Variants in RNFT2 observed in about 807,000 individuals in gnomAD.
RNFT2 encodes the protein ring finger protein, transmembrane 2, also known as E3 ubiquitin-protein ligase RNFT2.
RNFT2 carries 36 observed loss-of-function variants against 53.0 expected under a neutral mutation model. That is an observed-to-expected ratio of 0.68 (90% CI 0.52 to 0.90). RNFT2 has a LOEUF of 0.90. Among genes scored for constraint, RNFT2 ranks in the 40% least tolerant of loss-of-function variants. The pLI is 0.00. For missense variants in RNFT2, 514 were observed against 585.6 expected (o/e 0.88, Z 1.26); for synonymous variants, 260 against 253.2 (o/e 1.03, Z -0.26).
chr12:116,830,066 T>C (rs984053857), intron 7 of RNFT2, among the ~76,000 whole-genome samples: 6 of 152,198 alleles, frequency 3.9e-5, no homozygotes, highest in African/African-American at 1.4e-4. Context: ...TTTTTAACTT[T>C]TAATTTTGAG....
At position 116,749,889 on chromosome 12, in the gene RNFT2, C is replaced by A. The variant is rs1191859765; in HGVS notation, c.132C>A (p.Gly44=). Residue 44 remains glycine, a synonymous_variant, in exon 4 of 11, where the codon GGC becomes GGA. Coordinates refer to ENST00000257575, the MANE Select transcript of RNFT2 (RefSeq NM_001382266.1). The part of the protein sequence containing the change: ...LSSEASVDEG[G]VFESLKAEAA... Reference sequence around the variant, plus strand: ...CCGAGGCGAGTGTGGATGAAGGTGGCGTCTTTGAGAGTCTGAAGGCAGAGG... The same window carrying A: ...CCGAGGCGAGTGTGGATGAAGGTGGAGTCTTTGAGAGTCTGAAGGCAGAGG... 6.3e-7 allele frequency: 1 copy of A among 1,589,418 alleles called. No homozygotes were observed. Among genetic ancestry groups the A allele is most frequent in the Admixed American group, 1.8e-5 (1 of 56,328 alleles).
At chr12:116,823,687 A>AT (rs1190561792) in intron 7 of RNFT2, among the ~76,000 whole-genome samples, 1 of 152,190 alleles carries the variant, frequency 6.6e-6, no homozygotes, top group Non-Finnish European at 1.5e-5. Flanking sequence ...TGTCTAAAAA[A>AT]AATAATAATA....
chr12:116,780,033 C>A (rs1297104804), intron 7 of RNFT2, among the ~76,000 whole-genome samples: 1 of 151,938 alleles, frequency 6.6e-6, no homozygotes, highest in African/African-American at 2.4e-5. Flanking sequence ...TTGAAGTCTC[C>A]TGCTTTCCAT....
rs1451912493 is a variant in RNFT2 at position 116,849,457 on chromosome 12, A to G, written c.*9A>G. On this transcript the variant is annotated 3_prime_UTR_variant, in exon 11 of 11. Transcript: ENST00000257575. ...ACTTCCAGGTGTACTAGGACCGAACACTGAGGACACCCAGAAGGACGCCAA... is the reference window on the plus strand; with the variant it reads ...ACTTCCAGGTGTACTAGGACCGAACGCTGAGGACACCCAGAAGGACGCCAA... The G allele has an allele frequency of 6.3e-7, 1 of 1,579,116 alleles. No individual in the cohort carries two copies.
chr12:116,808,690 C>T lies in RNFT2; in HGVS notation c.883-25102C>T, dbSNP rs199590354. ...GACAAGGCTTGCCACATGGCCCCCG[C>T]AGTTTAATTTCCTTTAATTCATTTT... On this transcript the variant is annotated intron_variant, in intron 7 of 10. Coordinates refer to ENST00000257575, the MANE Select transcript of RNFT2 (RefSeq NM_001382266.1). 5.9e-5 allele frequency among the ~76,000 whole-genome samples: 9 copies of T among 152,208 alleles called. No individual in the cohort carries two copies. The East Asian group carries it at 1.7e-3, about 29-fold the overall frequency.
chr12:116,756,544 C>A (rs1283231954), intron 5 of RNFT2, among the ~76,000 whole-genome samples: 2 of 152,086 alleles, frequency 1.3e-5, no homozygotes, highest in Non-Finnish European at 2.9e-5. Flanking sequence ...TAAAGGGATG[C>A]TGGATTTTGT....
intron 7 of RNFT2, among the ~76,000 whole-genome samples, chr12:116,803,292 C>T (rs1048806456): frequency 5.3e-5 from 8 of 152,156 alleles, no homozygotes; most frequent in African/African-American, 9.7e-5. Flanking sequence ...TATACTCTCC[C>T]TCCTCTTGTT....
chr12:116,802,210 A>C (rs1874833090), intron 7 of RNFT2, among the ~76,000 whole-genome samples: 1 of 152,240 alleles, frequency 6.6e-6, no homozygotes, highest in Non-Finnish European at 1.5e-5. Context: ...CTCACATAGT[A>C]AAGGCTCTGA....
chr12:116,811,498 C>A (rs554390347), intron 7 of RNFT2, among the ~76,000 whole-genome samples: 2 of 152,124 alleles, frequency 1.3e-5, no homozygotes, highest in Admixed American at 1.3e-4. Context: ...GCCTCAGTCT[C>A]CTGAGCAGCT....
intron 7 of RNFT2, among the ~76,000 whole-genome samples, chr12:116,796,293 T>G (rs1375104219): frequency 1.3e-5 from 2 of 152,152 alleles, no homozygotes; most frequent in African/African-American, 4.8e-5. Context: ...CTAGGACTGG[T>G]TGTATCAGAA....
intron 10 of RNFT2, among the ~76,000 whole-genome samples, chr12:116,840,285 G>C (rs1354951854): frequency 6.6e-6 from 1 of 152,140 alleles, no homozygotes; most frequent in Non-Finnish European, 1.5e-5. Flanking sequence ...CTTCGGGCGG[G>C]AAGTAGTTAC....
chr12:116,782,180 C>A (rs1873745737), intron 7 of RNFT2: 1 of 150,128 alleles, frequency 6.7e-6, no homozygotes, highest in Non-Finnish European at 1.5e-5. Context: ...AAGGATGACA[C>A]ACAAATTCAT....
intron 6 of RNFT2, among the ~76,000 whole-genome samples, chr12:116,768,484 T>A (rs1427063982): frequency 6.6e-6 from 1 of 152,162 alleles, no homozygotes; most frequent in African/African-American, 2.4e-5. Context: ...AGTGGTCCCA[T>A]AAGGTTATAA....
At chr12:116,790,973 T>A (rs1368890630) in intron 7 of RNFT2, among the ~76,000 whole-genome samples, 1 of 152,120 alleles carries the variant, frequency 6.6e-6, no homozygotes, top group Non-Finnish European at 1.5e-5. Flanking sequence ...AAAAATAAAA[T>A]AAAACAATAA....
intron 2 of RNFT2, 93 bp from the exon 3 acceptor site, chr12:116,740,943 C>G: frequency 1.9e-6 from 2 of 1,050,900 alleles, no homozygotes; most frequent in Non-Finnish European, 2.9e-6. Flanking sequence ...TAAGATACGA[C>G]TAGTGCAGGT....
intron 6 of RNFT2, among the ~76,000 whole-genome samples, chr12:116,778,622 G>C (rs1873546384): frequency 6.6e-6 from 1 of 152,268 alleles, no homozygotes; most frequent in Non-Finnish European, 1.5e-5. Flanking sequence ...GGCTGAGGCG[G>C]GTGGATCACT....
chr12:116,790,808 T>A (rs1167519073), intron 7 of RNFT2, among the ~76,000 whole-genome samples: 1 of 152,074 alleles, frequency 6.6e-6, no homozygotes, highest in Non-Finnish European at 1.5e-5. Flanking sequence ...ATACAAAGAT[T>A]TAGCCGAGCA....
At chr12:116,841,892 AAAATATATATATAT>A (rs1877332759) in intron 10 of RNFT2, among the ~76,000 whole-genome samples, 1 of 21,012 alleles carries the variant, frequency 4.8e-5, no homozygotes, top group Non-Finnish European at 1.1e-4. Flanking sequence ...AATATATATA[AAAATATATATATAT>A]AAATATATAT....
intron 6 of RNFT2, among the ~76,000 whole-genome samples, chr12:116,777,728 C>T (rs529773251): frequency 4.3e-4 from 66 of 152,298 alleles, no homozygotes; most frequent in African/African-American, 1.3e-3. Flanking sequence ...TCCATTATCT[C>T]ATCAAATCCT....
Sources: allele counts gnomAD v4.1 joint callset (sites outside exome capture counted in the v4.1 genomes callset), GRCh38; gene constraint gnomAD v4.1.1; transcripts MANE v1.5; gene names NCBI Gene and HGNC (gene_info 2026-07-23, HGNC 2026-07-21).